Variants in PPARD observed in about 807,000 individuals in gnomAD.
PPARD encodes peroxisome proliferator-activated receptor delta.
PPARD carries 6 observed loss-of-function variants against 39.5 expected under a neutral mutation model. That is an observed-to-expected ratio of 0.15 (90% CI 0.08 to 0.30). The LOEUF is 0.30. Ranked by LOEUF, PPARD falls within the 10% of genes least tolerant of loss-of-function variation. PPARD has a pLI of 1.00. For synonymous variants in PPARD, 210 were observed against 231.3 expected, an observed-to-expected ratio of 0.91 and a Z score of 0.83; for missense variants, 397 against 596.8, an observed-to-expected ratio of 0.67 and a Z score of 3.49.
chr6:35,348,815 CA>C, intron 2 of PPARD: 1 of 985,406 alleles, frequency 1.0e-6, no homozygotes, highest in Non-Finnish European at 1.2e-6. Context: ...GGGGGAGTTT[CA>C]GAGACTTCTG....
chr6:35,348,263 A>G (rs1761009650), intron 2 of PPARD: 2 of 813,382 alleles, frequency 2.5e-6, no homozygotes, highest in South Asian at 1.1e-4. Context: ...AAATGATAAT[A>G]GTAAAAAACA....
intron 2 of PPARD, among the ~76,000 whole-genome samples, chr6:35,371,957 G>A (rs773981903): frequency 9.9e-5 from 15 of 152,174 alleles, no homozygotes; most frequent in Non-Finnish European, 1.8e-4. Flanking sequence ...TAACTCCTAG[G>A]TCAGACTTGC....
In PPARD at chr6:35,366,962, A is replaced by G. The variant is rs752017280; in HGVS notation, c.-102+19812A>G. ...GTATGGCCAGACTTATGACTTGCGTATGGTCATAAAGGTAGTAAGTTGCAG... is the reference window on the plus strand; with the variant it reads ...GTATGGCCAGACTTATGACTTGCGTGTGGTCATAAAGGTAGTAAGTTGCAG... On this transcript the variant is annotated intron_variant, in intron 2 of 7. Transcript: ENST00000360694. This position sits in a 1 kb window ranked among gnomAD's most constrained non-coding sequence, Gnocchi z 4.6. Among the ~76,000 whole-genome samples, 5 of 152,224 alleles carry G rather than the reference A, an allele frequency of 3.3e-5. No homozygotes were observed. The highest frequency in any genetic ancestry group is 2.1e-4 in the South Asian group (1 of 4,834).
intron 2 of PPARD, among the ~76,000 whole-genome samples, chr6:35,352,097 G>C (rs1156934634): frequency 1.3e-5 from 2 of 151,688 alleles, no homozygotes; most frequent in Non-Finnish European, 2.9e-5. Flanking sequence ...TCAAACTCCT[G>C]AGCTCGAGCC....
At chr6:35,384,136 G>C (rs1366639801) in intron 2 of PPARD, among the ~76,000 whole-genome samples, 1 of 142,584 alleles carries the variant, frequency 7.0e-6, no homozygotes, top group Non-Finnish European at 1.5e-5. Context: ...GGAGGTGAGG[G>C]GCGCCTCTGC....
At position 35,426,220 on chromosome 6, in the gene PPARD, C is replaced by A; in HGVS notation, c.*141C>A. On this transcript the variant is annotated 3_prime_UTR_variant, in exon 8 of 8. Coordinates refer to ENST00000360694, the MANE Select transcript of PPARD (RefSeq NM_006238.5). ...ACGATCGCCCTCAGACACATGACAC[C>A]CACGGCCTCTGGCTCCCTGTGCCCT... 1 of 1,184,584 alleles carries A rather than the reference C, an allele frequency of 8.4e-7. No homozygotes were observed. 73.4% of individuals were successfully genotyped at this position (1,184,584 alleles called of 1,614,324 possible).
In PPARD at chr6:35,363,578, A is replaced by G. The variant is rs1332582295; in HGVS notation, c.-102+16428A>G. Among the ~76,000 whole-genome samples, 1 of 152,088 alleles carries G rather than the reference A, an allele frequency of 6.6e-6. No individual in the cohort carries two copies. Among genetic ancestry groups the G allele is most frequent in the Non-Finnish European group, 1.5e-5 (1 of 68,016 alleles). On this transcript the variant is annotated intron_variant, in intron 2 of 7. Coordinates refer to ENST00000360694, the MANE Select transcript of PPARD (RefSeq NM_006238.5). This position sits in a 1 kb window ranked among gnomAD's most constrained non-coding sequence, Gnocchi z 4.5. ...CAGACGCTCTCCAGTAGGTCTGAGT[A>G]GGTGGTGTGGACCCACCAGGAAAGG... is the stretch of plus-strand genomic sequence containing the variant.
At chr6:35,392,112 AC>A (rs899109445) in intron 2 of PPARD, among the ~76,000 whole-genome samples, 1 of 151,936 alleles carries the variant, frequency 6.6e-6, no homozygotes, top group Non-Finnish European at 1.5e-5. Flanking sequence ...AATTTGGGGA[AC>A]CCTGGCACCA....
At position 35,425,451 on chromosome 6, in the gene PPARD, T is replaced by G; in HGVS notation, c.1079-381T>G. On this transcript the variant is annotated intron_variant, in intron 7 of 7. Coordinates refer to ENST00000360694, the MANE Select transcript of PPARD (RefSeq NM_006238.5). This position sits in a 1 kb window ranked among gnomAD's most constrained non-coding sequence, Gnocchi z 4.5. The stretch of plus-strand genomic sequence containing the variant: ...CAGGCACTGTTCTTTTCATCGATGA[T>G]GACTCACTTGATCCTCACAACAACC... 9.5e-7 allele frequency: 1 copy of G among 1,049,036 alleles called. No homozygotes were observed. Among genetic ancestry groups the G allele is most frequent in the Non-Finnish European group, 1.2e-6 (1 of 850,972 alleles). 65.0% of individuals were successfully genotyped at this position (1,049,036 alleles called of 1,614,324 possible). A position where few individuals can be genotyped will look rare whatever the true frequency, so the allele number is the denominator to read the frequency against.
chr6:35,416,909 G>A (rs1176107762), intron 3 of PPARD, among the ~76,000 whole-genome samples: 1 of 151,346 alleles, frequency 6.6e-6, no homozygotes, highest in East Asian at 1.9e-4. Flanking sequence ...TTTTTTTCCT[G>A]TAGGCACAAG....
At chr6:35,420,343 TC>T in intron 4 of PPARD, 62 bp downstream of exon 4, 1 of 1,498,278 alleles carries the variant, frequency 6.7e-7, no homozygotes, top group Non-Finnish European at 8.9e-7. Flanking sequence ...GAATTGACCC[TC>T]CACAAAGCTT....
chr6:35,400,404 T>G (rs1764627855), intron 2 of PPARD, among the ~76,000 whole-genome samples: 1 of 152,222 alleles, frequency 6.6e-6, no homozygotes, highest in East Asian at 1.9e-4. Context: ...TTAAGTGATG[T>G]GTGATGTACC....
intron 2 of PPARD, among the ~76,000 whole-genome samples, chr6:35,389,472 C>T (rs9658103): frequency 0.029 from 4,393 of 152,088 alleles, 91 homozygotes; most frequent in South Asian, 0.048. Flanking sequence ...CCACCATGCC[C>T]GGCTAATTTT....
chr6:35,372,524 G>A (rs1425638676), intron 2 of PPARD, among the ~76,000 whole-genome samples: 2 of 152,168 alleles, frequency 1.3e-5, no homozygotes, highest in African/African-American at 2.4e-5. Flanking sequence ...TAGCCAAATC[G>A]CTCAACCTAT....
rs199757146 is a variant in PPARD at position 35,420,296 on chromosome 6, G to A, written c.285+15G>A. On this transcript the variant is annotated intron_variant, in intron 4 of 7. Transcript: ENST00000360694. ...AGGGGTGCAAGGTACGGACTGGGGG[G>A]AGCGGTGGCTGGCCACTGAGGCTGT... The A allele has an allele frequency of 1.3e-6, 2 of 1,526,782 alleles. No individual in the cohort carries two copies. Among genetic ancestry groups the A allele is most frequent in the Non-Finnish European group, 8.8e-7 (1 of 1,136,000 alleles). The allele number at this position is 1,526,782 out of a possible 1,614,324, so 94.6% of individuals were successfully genotyped here. A position where few individuals can be genotyped will look rare whatever the true frequency, so the allele number is the denominator to read the frequency against.
chr6:35,419,459 A>G (rs1340210196), intron 3 of PPARD, among the ~76,000 whole-genome samples: 1 of 152,220 alleles, frequency 6.6e-6, no homozygotes, highest in Non-Finnish European at 1.5e-5. Context: ...TGGTTCAAAC[A>G]TCTATACGTC....
intron 2 of PPARD, among the ~76,000 whole-genome samples, chr6:35,365,860 C>T (rs77104033): frequency 1.3e-5 from 2 of 151,704 alleles, no homozygotes; most frequent in African/African-American, 2.4e-5. Flanking sequence ...CAATGAATAA[C>T]CTTGTCATTT....
At chr6:35,385,447 G>T (rs1352087199) in intron 2 of PPARD, among the ~76,000 whole-genome samples, 2 of 150,542 alleles carry the variant, frequency 1.3e-5, no homozygotes, top group Non-Finnish European at 1.5e-5. Flanking sequence ...TGCTCGTTAA[G>T]AGTCATCACC....
At chr6:35,413,011 C>T (rs753952792) in intron 3 of PPARD, among the ~76,000 whole-genome samples, 64 of 152,270 alleles carry the variant, frequency 4.2e-4, no homozygotes, top group Non-Finnish European at 6.5e-4. Flanking sequence ...GGAGAAGAGA[C>T]GGCCACAGGG....
Sources: allele counts gnomAD v4.1 joint callset (sites outside exome capture counted in the v4.1 genomes callset), GRCh38; gene constraint gnomAD v4.1.1; non-coding constraint Gnocchi (gnomAD v3.1); transcripts MANE v1.5; gene names NCBI Gene and HGNC (gene_info 2026-07-23, HGNC 2026-07-21).